Variants in RHOU observed in about 807,000 individuals in gnomAD.
RHOU encodes the protein rho-related GTP-binding protein RhoU.
In RHOU, 8 loss-of-function variants were observed where a neutral mutation model predicts 12.6. The observed-to-expected ratio is 0.64, with a 90% CI of 0.37 to 1.15. The LOEUF (loss-of-function observed/expected upper bound fraction) is 1.15, where lower values mean the gene tolerates loss of function less well. RHOU is among the 50% of genes most tolerant of loss of function. The pLI is 0.01. For missense variants in RHOU, 258 were observed against 347.0 expected (o/e 0.74, Z 2.04); for synonymous variants, 161 against 147.4 (o/e 1.09, Z -0.67).
the RHOU span, among the ~76,000 whole-genome samples, chr1:228,703,127 T>C: frequency 0.013 from 1,927 of 152,252 alleles, 17 homozygotes; most frequent in Non-Finnish European, 0.019. Context: ...GGCAAGACAA[T>C]GTATGTACAT....
At chr1:228,728,926 C>CGAG in the RHOU span, among the ~76,000 whole-genome samples, 1 of 150,014 alleles carries the variant, frequency 6.7e-6, no homozygotes, top group Non-Finnish European at 1.5e-5. Flanking sequence ...GACAGAGTCT[C>CGAG]GCTCTGTCGC....
At chr1:228,693,134 A>G in the RHOU span, among the ~76,000 whole-genome samples, 1 of 152,226 alleles carries the variant, frequency 6.6e-6, no homozygotes, top group Non-Finnish European at 1.5e-5. Context: ...ATAACTTAAA[A>G]AGAGAAAGAA....
chr1:228,723,867 G>A, the RHOU span, among the ~76,000 whole-genome samples: 3 of 152,042 alleles, frequency 2.0e-5, no homozygotes, highest in Non-Finnish European at 4.4e-5. Flanking sequence ...GGTTCACTAG[G>A]CTCCTTGCTG....
At chr1:228,716,985 G>T in the RHOU span, among the ~76,000 whole-genome samples, 1 of 152,036 alleles carries the variant, frequency 6.6e-6, no homozygotes, top group African/African-American at 2.4e-5. Context: ...CCTCTCCAGG[G>T]ATTAGAAAGT....
chr1:228,662,877 G>T, the RHOU span, among the ~76,000 whole-genome samples: 3 of 152,072 alleles, frequency 2.0e-5, no homozygotes, highest in Non-Finnish European at 4.4e-5. Context: ...GCAGAGATAA[G>T]TGACACCCTC....
the RHOU span, among the ~76,000 whole-genome samples, chr1:228,689,043 G>A: frequency 6.6e-6 from 1 of 152,174 alleles, no homozygotes; most frequent in Non-Finnish European, 1.5e-5. Flanking sequence ...AGGCACCACT[G>A]ACCTCTCCTC....
chr1:228,663,219 T>C, the RHOU span, among the ~76,000 whole-genome samples: 1 of 152,216 alleles, frequency 6.6e-6, no homozygotes, highest in East Asian at 1.9e-4. Flanking sequence ...AAGATCAGAG[T>C]TGAATAGTCT....
chr1:228,743,734 C>T lies in RHOU; in HGVS notation c.771C>T (p.Phe257=), dbSNP rs761227727. ...SKSWWKKYCC[F]V ...CCTGGTGGAAGAAGTACTGCTGTTT[C>T]GTATGATGCTGGCAAGACACCCAGA... The change falls in exon 3 of 3, where the codon TTC becomes TTT. Residue 257 remains phenylalanine (F), a synonymous_variant. Transcript: ENST00000366691. This position sits in a 1 kb window ranked among gnomAD's most constrained non-coding sequence, Gnocchi z 5.1. 3.6e-5 allele frequency: 58 copies of T among 1,609,284 alleles called. No homozygotes were observed. The East Asian group carries it at 3.8e-4, about 11-fold the overall frequency.
At chr1:228,707,502 T>A in the RHOU span, among the ~76,000 whole-genome samples, 7 of 151,538 alleles carry the variant, frequency 4.6e-5, no homozygotes, top group East Asian at 1.4e-3. Flanking sequence ...CCCTGACCCC[T>A]GACCCCCGAG....
chr1:228,739,329 G>A (rs1198622380), intron 2 of RHOU, among the ~76,000 whole-genome samples: 1 of 152,128 alleles, frequency 6.6e-6, no homozygotes, highest in Non-Finnish European at 1.5e-5. Flanking sequence ...ACTTTGGGAG[G>A]CTGAGACGGG....
At chr1:228,712,966 T>A in the RHOU span, among the ~76,000 whole-genome samples, 1 of 151,952 alleles carries the variant, frequency 6.6e-6, no homozygotes, top group African/African-American at 2.4e-5. Flanking sequence ...TCTGACTATA[T>A]ATATATAAAG....
At chr1:228,674,683 C>T in the RHOU span, among the ~76,000 whole-genome samples, 2 of 151,280 alleles carry the variant, frequency 1.3e-5, no homozygotes, top group Admixed American at 6.6e-5. Context: ...AAATGATTTC[C>T]TACCACAAGG....
the RHOU span, chr1:228,650,745 A>G: frequency 2.2e-6 from 1 of 452,350 alleles, no homozygotes; most frequent in South Asian, 1.8e-5. Flanking sequence ...CCAGCTTATG[A>G]TCAGGGTGGT....
At chr1:228,712,904 G>A in the RHOU span, among the ~76,000 whole-genome samples, 1 of 151,658 alleles carries the variant, frequency 6.6e-6, no homozygotes, top group Non-Finnish European at 1.5e-5. Context: ...TGCATCTCCT[G>A]CAATGTTGCC....
At chr1:228,689,106 C>T in the RHOU span, among the ~76,000 whole-genome samples, 1 of 152,224 alleles carries the variant, frequency 6.6e-6, no homozygotes, top group African/African-American at 2.4e-5. Flanking sequence ...ACTTCCGTCT[C>T]CCTCATCCCT....
chr1:228,702,462 T>C, the RHOU span, among the ~76,000 whole-genome samples: 4 of 152,170 alleles, frequency 2.6e-5, no homozygotes, highest in South Asian at 6.2e-4. Context: ...GGGGTCATTT[T>C]GAGCTTGACT....
the RHOU span, among the ~76,000 whole-genome samples, chr1:228,711,662 G>T: frequency 2.0e-5 from 3 of 152,212 alleles, no homozygotes; most frequent in African/African-American, 7.2e-5. Context: ...ATTAATTCAA[G>T]ATGGGTTAAA....
chr1:228,657,279 CAAAAAAAAAAAA>C, the RHOU span, among the ~76,000 whole-genome samples: 3 of 28,032 alleles, frequency 1.1e-4, no homozygotes, highest in South Asian at 2.2e-3. Context: ...AACTCCATCT[CAAAAAAAAAAAA>C]AAAAAAAAAA....
chr1:228,690,861 C>T, the RHOU span, among the ~76,000 whole-genome samples: 1 of 152,096 alleles, frequency 6.6e-6, no homozygotes, highest in Non-Finnish European at 1.5e-5. Context: ...CATGATCTGA[C>T]CTCCTCGGCC....
Sources: gnomAD v4.1 joint callset for allele counts (sites outside exome capture counted in the v4.1 genomes callset) on GRCh38, gnomAD v4.1.1 for gene constraint, Gnocchi (gnomAD v3.1) non-coding constraint, MANE v1.5 for transcripts, NCBI Gene and HGNC (gene_info 2026-07-23, HGNC 2026-07-21) for gene names.